TXNRD1: variants seen among roughly 807,000 people sequenced by gnomAD.
TXNRD1 encodes the protein thioredoxin reductase 1, also known as thioredoxin reductase 1, cytoplasmic.
TXNRD1 carries 57 observed loss-of-function variants against 80.3 expected under a neutral mutation model. The ratio of observed to expected loss-of-function variants is 0.71; its 90% confidence interval spans 0.57 to 0.89. TXNRD1 has a LOEUF of 0.89. Among genes scored for constraint, TXNRD1 ranks in the 40% least tolerant of loss-of-function variants. The probability of loss-of-function intolerance (pLI) is 0.00; values close to 1 mark genes in which losing one functional copy is unlikely to be tolerated. For missense variants in TXNRD1, 730 were observed against 803.0 expected (o/e 0.91, Z 1.10); for synonymous variants, 291 against 285.2 (o/e 1.02, Z -0.20).
At chr12:104,327,871 C>T (rs377100305) in intron 13 of TXNRD1, among the ~76,000 whole-genome samples, 200 bp downstream of exon 13, 15 of 151,062 alleles carry the variant, frequency 9.9e-5, no homozygotes, top group South Asian at 8.4e-4. Flanking sequence ...TTATGAAGAT[C>T]GACACTCCGC....
At chr12:104,334,095 C>A (rs1213248883) in intron 14 of TXNRD1, 142 bp from the exon 15 acceptor site, 2 of 406,644 alleles carry the variant, frequency 4.9e-6, no homozygotes, top group Non-Finnish European at 8.7e-6. Flanking sequence ...TACCTTTTGA[C>A]CAGATTCCTA....
chr12:104,282,529 C>G (rs1339299969), intron 3 of TXNRD1, among the ~76,000 whole-genome samples: 1 of 152,208 alleles, frequency 6.6e-6, no homozygotes, highest in Non-Finnish European at 1.5e-5. Flanking sequence ...ACTGTGGGCT[C>G]TGCTCAAGCA....
At chr12:104,255,562 G>A (rs2033229824) in intron 2 of TXNRD1, among the ~76,000 whole-genome samples, 1 of 152,114 alleles carries the variant, frequency 6.6e-6, no homozygotes, top group African/African-American at 2.4e-5. Flanking sequence ...ACTTTGGGAG[G>A]CCGAGGCGGG....
intron 16 of TXNRD1, among the ~76,000 whole-genome samples, chr12:104,344,273 G>C (rs1252773457): frequency 6.6e-6 from 1 of 151,988 alleles, no homozygotes; most frequent in African/African-American, 2.4e-5. Context: ...GAGGGGAGAC[G>C]ATGTGGCTGG....
At position 104,321,299 on chromosome 12, in the gene TXNRD1, C is replaced by A. The variant is rs2035522229; in HGVS notation, c.1198C>A (p.Gln400Lys). Reference protein sequence around the residue: ...MEEHGIKFIRQFVPIKVEQIE... With the variant: ...MEEHGIKFIRKFVPIKVEQIE... Reference sequence around the variant, plus strand: ...AGAACATGGCATCAAGTTTATAAGACAGTTCGTACCAATTAAAGTAAGTGG... The same window carrying A: ...AGAACATGGCATCAAGTTTATAAGAAAGTTCGTACCAATTAAAGTAAGTGG... The change falls in exon 10 of 17, where the codon CAG (glutamine) becomes AAG (lysine). Residue 400 changes from glutamine (Q) to lysine (K), a missense_variant. By Grantham distance (53) the Gln-to-Lys change is moderately conservative. Transcript: ENST00000525566. 1 of 1,613,722 alleles carries A rather than the reference C, an allele frequency of 6.2e-7. No individual in the cohort carries two copies. Among genetic ancestry groups the A allele is most frequent in the South Asian group, 1.1e-5 (1 of 91,072 alleles).
chr12:104,314,903 A>C (rs766084735), intron 6 of TXNRD1, among the ~76,000 whole-genome samples: 22 of 151,912 alleles, frequency 1.4e-4, no homozygotes, highest in Non-Finnish European at 2.9e-4. Context: ...CACCATGCCC[A>C]GCTAATTTTC....
chr12:104,252,380 C>T (rs1452130415), intron 2 of TXNRD1, among the ~76,000 whole-genome samples: 1 of 151,816 alleles, frequency 6.6e-6, no homozygotes, highest in Admixed American at 6.6e-5. Context: ...AAAGAATAAA[C>T]TGTTTCCTAC....
intron 6 of TXNRD1, among the ~76,000 whole-genome samples, chr12:104,313,810 T>A (rs2035223794): frequency 6.6e-6 from 1 of 152,256 alleles, no homozygotes; most frequent in African/African-American, 2.4e-5. Context: ...CATGCCCTTG[T>A]GAAGCTTATA....
chr12:104,342,659 A>AT (rs2036365183), intron 16 of TXNRD1, among the ~76,000 whole-genome samples: 1 of 152,112 alleles, frequency 6.6e-6, no homozygotes, highest in South Asian at 2.1e-4. Flanking sequence ...ATATATATTT[A>AT]TTTTTTATTT....
chr12:104,345,911 G>A (rs993356163), intron 16 of TXNRD1: 15 of 1,241,726 alleles, frequency 1.2e-5, no homozygotes, highest in African/African-American at 1.5e-5. Context: ...GTGTTGGGAT[G>A]GAAGGGCATG....
chr12:104,283,451 C>G (rs1303284669), intron 3 of TXNRD1, among the ~76,000 whole-genome samples: 1 of 151,940 alleles, frequency 6.6e-6, no homozygotes, highest in Non-Finnish European at 1.5e-5. Context: ...GGGGTTTCAC[C>G]ATGTTGGCCA....
At chr12:104,258,964 A>G (rs2033309267) in intron 3 of TXNRD1, among the ~76,000 whole-genome samples, 2 of 152,146 alleles carry the variant, frequency 1.3e-5, no homozygotes, top group South Asian at 4.1e-4. Context: ...GGCCAGCACC[A>G]TCATTTCTAT....
intron 3 of TXNRD1, among the ~76,000 whole-genome samples, chr12:104,271,353 T>A (rs993514938): frequency 1.1e-4 from 17 of 152,062 alleles, no homozygotes; most frequent in East Asian, 5.8e-4. Flanking sequence ...TTTTTTGTGT[T>A]TTTTTAGTAG....
intron 10 of TXNRD1, among the ~76,000 whole-genome samples, chr12:104,322,493 G>T (rs2035573526): frequency 6.8e-6 from 1 of 146,358 alleles, no homozygotes; most frequent in African/African-American, 2.5e-5. Context: ...CGATTCTGGT[G>T]CCTCAGCCTC....
chr12:104,333,558 G>A (rs974301305), intron 14 of TXNRD1, among the ~76,000 whole-genome samples: 4 of 151,382 alleles, frequency 2.6e-5, no homozygotes, highest in East Asian at 1.9e-4. Context: ...TCACAACATC[G>A]AAGAACACTT....
At chr12:104,323,199 A>G (rs1227622782) in intron 10 of TXNRD1, among the ~76,000 whole-genome samples, 1 of 124,780 alleles carries the variant, frequency 8.0e-6, no homozygotes, top group Non-Finnish European at 1.7e-5. Context: ...TCCCATGTCT[A>G]CTTCTTTCTA....
rs544655451 is a variant in TXNRD1, at chr12:104,255,737, G to A, written c.244-2282G>A. ...GAACCCGGGAGGCAGAGGTTGCAGT[G>A]AGCCAAGATCGCACCATTGCACTCC... On this transcript the variant is annotated intron_variant, in intron 2 of 16. Coordinates refer to ENST00000525566, the MANE Select transcript of TXNRD1 (RefSeq NM_001093771.3). 2.0e-4 allele frequency among the ~76,000 whole-genome samples: 30 copies of A among 152,244 alleles called. No individual in the cohort carries two copies. The South Asian group carries it at 6.2e-3, about 32-fold the overall frequency.
At chr12:104,312,877 G>A (rs979265583) in intron 5 of TXNRD1, among the ~76,000 whole-genome samples, 3 of 152,166 alleles carry the variant, frequency 2.0e-5, no homozygotes, top group African/African-American at 7.2e-5. Context: ...TAGACTATCA[G>A]TAAACCTGCT....
intron 1 of TXNRD1, among the ~76,000 whole-genome samples, chr12:104,248,150 A>G (rs922780228): frequency 6.6e-6 from 1 of 152,248 alleles, no homozygotes; most frequent in African/African-American, 2.4e-5. Context: ...GTCATGTGTC[A>G]TGTTGCTTTA....
Sources: gnomAD v4.1 joint callset for allele counts (sites outside exome capture counted in the v4.1 genomes callset) on GRCh38, gnomAD v4.1.1 for gene constraint, MANE v1.5 for transcripts, NCBI Gene and HGNC (gene_info 2026-07-23, HGNC 2026-07-21) for gene names.